Variants in ALPK2 observed in about 807,000 individuals in gnomAD.
The protein encoded by ALPK2 is alpha kinase 2.
ALPK2 carries 127 observed loss-of-function variants against 163.1 expected under a neutral mutation model. The ratio of observed to expected loss-of-function variants is 0.78; its 90% CI spans 0.67 to 0.90. ALPK2 has a LOEUF of 0.90. Ranked by LOEUF, ALPK2 falls within the 40% of genes least tolerant of loss-of-function variation. The pLI, the probability that ALPK2 is intolerant of heterozygous loss-of-function variation, is 0.00. For missense variants in ALPK2, 2,360 were observed against 2,589.6 expected (o/e 0.91, Z 1.92); for synonymous variants, 953 against 959.1 (o/e 0.99, Z 0.12).
At chr18:58,578,734 A>ACACACACGCGCGCGCGCG in intron 4 of ALPK2, 80 bp downstream of exon 4, 11 of 396,500 alleles carry the variant, frequency 2.8e-5, no homozygotes, top group Non-Finnish European at 4.1e-6. Context: ...AAAGGAAGAG[A>ACACACACGCGCGCGCGCG]CACACACACA....
At chr18:58,627,621 A>G (rs1021677685) in intron 1 of ALPK2, among the ~76,000 whole-genome samples, 4 of 152,198 alleles carry the variant, frequency 2.6e-5, no homozygotes, top group Non-Finnish European at 4.4e-5. Context: ...GCAAAACTCT[A>G]TCTAAAAACA....
At chr18:58,482,992 C>T (rs2051319431) in intron 12 of ALPK2, among the ~76,000 whole-genome samples, 1 of 152,174 alleles carries the variant, frequency 6.6e-6, no homozygotes, top group African/African-American at 2.4e-5. Context: ...TCCTGCCAGC[C>T]ACCAGAAAAT....
intron 10 of ALPK2, chr18:58,511,488 G>C (rs182833839): frequency 1.3e-5 from 2 of 152,396 alleles, no homozygotes; most frequent in East Asian, 3.9e-4. Flanking sequence ...GCCTCTGTGA[G>C]AGCTGGGAGT....
chr18:58,615,398 C>A (rs1436194930), intron 1 of ALPK2, among the ~76,000 whole-genome samples: 1 of 152,142 alleles, frequency 6.6e-6, no homozygotes, highest in Non-Finnish European at 1.5e-5. Flanking sequence ...CAGGCTTTGC[C>A]ACCTGCCAGG....
At chr18:58,517,795 T>A (rs2051530293) in intron 8 of ALPK2, among the ~76,000 whole-genome samples, 1 of 152,066 alleles carries the variant, frequency 6.6e-6, no homozygotes, top group Non-Finnish European at 1.5e-5. Context: ...AAGCATGTGA[T>A]AAGTATAGGA....
chr18:58,591,127 C>G (rs1173661501), intron 3 of ALPK2, among the ~76,000 whole-genome samples: 5 of 152,222 alleles, frequency 3.3e-5, no homozygotes, highest in Non-Finnish European at 4.4e-5. Context: ...CTCCCTTTGT[C>G]TCTGCTGCCC....
intron 4 of ALPK2, among the ~76,000 whole-genome samples, chr18:58,554,492 C>T (rs1270864635): frequency 6.6e-6 from 1 of 152,234 alleles, no homozygotes; most frequent in Non-Finnish European, 1.5e-5. Context: ...AGTAGCATCG[C>T]GGAGTGGGCA....
chr18:58,626,096 G>C (rs916338817), intron 1 of ALPK2, among the ~76,000 whole-genome samples: 1 of 152,142 alleles, frequency 6.6e-6, no homozygotes, highest in Non-Finnish European at 1.5e-5. Flanking sequence ...CGTATCCTGG[G>C]TTCCTTGTGA....
intron 8 of ALPK2, among the ~76,000 whole-genome samples, chr18:58,520,428 CAAAAAAAA>C (rs61028795): frequency 4.7e-5 from 3 of 64,386 alleles, no homozygotes; most frequent in Non-Finnish European, 4.9e-5. Flanking sequence ...GACTCCGTCT[CAAAAAAAA>C]AAAAAAAAAA....
At chr18:58,494,880 T>A (rs1042121973) in intron 12 of ALPK2, among the ~76,000 whole-genome samples, 7 of 152,238 alleles carry the variant, frequency 4.6e-5, no homozygotes, top group Non-Finnish European at 8.8e-5. Context: ...TCCAAGTCTG[T>A]CCTCATGAGT....
At chr18:58,515,388 C>T (rs1236475287) in intron 9 of ALPK2, among the ~76,000 whole-genome samples, 1 of 152,238 alleles carries the variant, frequency 6.6e-6, no homozygotes. Context: ...GGGACTGGCC[C>T]CTCATCACGT....
At chr18:58,505,289 C>A (rs2051456108) in intron 10 of ALPK2, among the ~76,000 whole-genome samples, 1 of 151,978 alleles carries the variant, frequency 6.6e-6, no homozygotes, top group Non-Finnish European at 1.5e-5. Flanking sequence ...TGATTTCCTA[C>A]CTACCTCTCT....
chr18:58,620,608 G>A (rs1410277393), intron 1 of ALPK2, among the ~76,000 whole-genome samples: 3 of 152,166 alleles, frequency 2.0e-5, no homozygotes, highest in Non-Finnish European at 2.9e-5. Context: ...GCCCAACCTA[G>A]TACATTTGCT....
intron 1 of ALPK2, among the ~76,000 whole-genome samples, chr18:58,612,071 C>T (rs1399089178): frequency 6.6e-6 from 1 of 152,148 alleles, no homozygotes; most frequent in Non-Finnish European, 1.5e-5. Flanking sequence ...CACCAGATGC[C>T]AATAGCACCC....
At position 58,481,643 on chromosome 18, in the gene ALPK2, G is replaced by A; in HGVS notation, c.*180C>T. On this transcript the variant is annotated 3_prime_UTR_variant, in exon 13 of 13. Coordinates refer to ENST00000361673, the MANE Select transcript of ALPK2 (RefSeq NM_052947.4). Reference sequence around the variant, plus strand: ...TAAACCTGGTCGCAAATCCTGTTCTGAAATCATTTGAGTGAAGACAGCAGG... The same window carrying A: ...TAAACCTGGTCGCAAATCCTGTTCTAAAATCATTTGAGTGAAGACAGCAGG... The A allele has an allele frequency of 1.1e-5, 7 of 612,792 alleles. No homozygotes were observed. Among genetic ancestry groups the A allele is most frequent in the Non-Finnish European group, 1.5e-5 (5 of 340,622 alleles). 38.0% of individuals were successfully genotyped at this position (612,792 alleles called of 1,614,324 possible).
intron 10 of ALPK2, 77 bp downstream of exon 10, chr18:58,514,916 G>T: frequency 8.8e-7 from 1 of 1,139,878 alleles, no homozygotes; most frequent in Non-Finnish European, 1.3e-6. Flanking sequence ...TTGCCCTACT[G>T]TTCCTTCTCA....
intron 10 of ALPK2, among the ~76,000 whole-genome samples, chr18:58,505,573 A>G (rs928377384): frequency 2.6e-5 from 4 of 151,958 alleles, no homozygotes; most frequent in East Asian, 3.9e-4. Context: ...TCCTCCATCA[A>G]TATTCCCTCT....
At chr18:58,522,159 G>A (rs2051558154) in intron 8 of ALPK2, among the ~76,000 whole-genome samples, 1 of 152,186 alleles carries the variant, frequency 6.6e-6, no homozygotes. Context: ...TGAAAGTCAT[G>A]ATCACATGGG....
chr18:58,538,890 T>TC (rs1467873293), intron 4 of ALPK2, among the ~76,000 whole-genome samples: 4 of 151,730 alleles, frequency 2.6e-5, no homozygotes, highest in Non-Finnish European at 4.4e-5. Context: ...TCTGGCACCA[T>TC]CCCCACCCCC....
Sources: allele counts gnomAD v4.1 joint callset (sites outside exome capture counted in the v4.1 genomes callset), GRCh38; gene constraint gnomAD v4.1.1; transcripts MANE v1.5; gene names NCBI Gene and HGNC (gene_info 2026-07-23, HGNC 2026-07-21).